PDE4D: variants seen among roughly 807,000 people sequenced by gnomAD.
PDE4D encodes 3',5'-cyclic-AMP phosphodiesterase 4D.
A neutral mutation model predicts 87.4 loss-of-function variants in PDE4D; 24 were observed. The ratio of observed to expected loss-of-function variants is 0.27; its 90% CI spans 0.20 to 0.39. The LOEUF (loss-of-function observed/expected upper bound fraction) is 0.39, where lower values mean the gene tolerates loss of function less well. Ranked by LOEUF, PDE4D falls within the 10% of genes least tolerant of loss-of-function variation. The probability of loss-of-function intolerance (pLI) is 1.00; values close to 1 mark genes in which losing one functional copy is unlikely to be tolerated. For missense variants in PDE4D, 714 were observed against 1,041.0 expected, an observed-to-expected ratio of 0.69 and a Z score of 4.32; for synonymous variants, 384 against 383.2, an observed-to-expected ratio of 1.00 and a Z score of -0.02.
chr5:59,890,309 G>A (rs1172674675), intron 1 of PDE4D, among the ~76,000 whole-genome samples: 1 of 149,874 alleles, frequency 6.7e-6, no homozygotes, highest in African/African-American at 2.5e-5. Context: ...TTTCTTGTTT[G>A]CTTTTAGAAA....
At position 60,418,071 on chromosome 5, in the gene PDE4D, CTG is replaced by C. The variant is rs369748026; in HGVS notation, c.-90+69869_-90+69870del. ...AGTGGAGAAGATTCCATCAGAGTCA[CTG>C]TTTCCACAGGAAAACATTGATTCGG... On this transcript the variant is annotated intron_variant, in intron 1 of 16. Coordinates refer to the PDE4D transcript ENST00000502484. Among the ~76,000 whole-genome samples the C allele has an allele frequency of 7.6e-4, 115 of 152,254 alleles. 2 individuals are homozygous for C. In the East Asian group the frequency reaches 0.019, roughly 25 times the overall value.
At position 59,997,098 on chromosome 5, in the gene PDE4D, C is replaced by T. The variant is rs1342468060; in HGVS notation, c.43-8381G>A. On this transcript the variant is annotated intron_variant, in intron 2 of 16. Coordinates refer to the PDE4D transcript ENST00000502484. ...ATCTGCAACTCTAGGATTCAATTAA[C>T]CTTTTGTAAATAGCATTGTACATTT... Among the ~76,000 whole-genome samples the T allele has an allele frequency of 3.9e-5, 6 of 152,056 alleles. No individual in the cohort carries two copies. The East Asian group carries it at 1.2e-3, about 29-fold the overall frequency.
At chr5:59,846,061 G>A (rs1449090272) in intron 1 of PDE4D, among the ~76,000 whole-genome samples, 3 of 152,056 alleles carry the variant, frequency 2.0e-5, no homozygotes, top group African/African-American at 7.2e-5. Context: ...TAAAGATAGG[G>A]GTTAAAATAA....
chr5:59,035,794 C>T (rs1218513141), intron 6 of PDE4D, among the ~76,000 whole-genome samples: 1 of 152,166 alleles, frequency 6.6e-6, no homozygotes, highest in Non-Finnish European at 1.5e-5. Context: ...TAAAATTACC[C>T]TCAATTGTAG....
intron 13 of PDE4D, among the ~76,000 whole-genome samples, chr5:58,976,143 T>A (rs1743711350): frequency 6.6e-6 from 1 of 152,320 alleles, no homozygotes; most frequent in South Asian, 2.1e-4. Flanking sequence ...TTAGTTTTTT[T>A]AATTAATGTA....
intron 1 of PDE4D, among the ~76,000 whole-genome samples, chr5:60,469,769 G>A (rs879563268): frequency 4.6e-5 from 7 of 152,100 alleles, no homozygotes; most frequent in South Asian, 2.1e-4. Flanking sequence ...ATAGGACGGC[G>A]AACTTAATCA....
intron 2 of PDE4D, among the ~76,000 whole-genome samples, chr5:60,114,173 C>T (rs1374729481): frequency 6.6e-6 from 1 of 152,084 alleles, no homozygotes; most frequent in Admixed American, 6.6e-5. Context: ...AGACTCAGTA[C>T]ACAATGGATG....
chr5:59,173,458 A>C (rs1004416587), intron 5 of PDE4D, among the ~76,000 whole-genome samples: 1 of 152,236 alleles, frequency 6.6e-6, no homozygotes, highest in Non-Finnish European at 1.5e-5. Context: ...ATTTATGCAA[A>C]TCTTTCAGTT....
intron 1 of PDE4D, among the ~76,000 whole-genome samples, chr5:59,511,209 TGAGAA>T (rs531830160): frequency 1.7e-3 from 254 of 151,812 alleles, no homozygotes; most frequent in African/African-American, 5.5e-3. Flanking sequence ...TAGTAACAAA[TGAGAA>T]AAGAAGCTTG....
chr5:60,519,593 C>T (rs951212987), intron 1 of PDE4D, among the ~76,000 whole-genome samples: 1 of 150,726 alleles, frequency 6.6e-6, no homozygotes, highest in Non-Finnish European at 1.5e-5. Context: ...GATCTCACAG[C>T]GTCCTGTTTG....
At chr5:60,383,798 C>T (rs1321239731) in intron 1 of PDE4D, among the ~76,000 whole-genome samples, 1 of 152,142 alleles carries the variant, frequency 6.6e-6, no homozygotes, top group Non-Finnish European at 1.5e-5. Context: ...TACTCTGTGC[C>T]ATTTAAAATG....
intron 1 of PDE4D, among the ~76,000 whole-genome samples, chr5:59,485,893 C>T (rs1225190559): frequency 1.3e-5 from 2 of 151,922 alleles, no homozygotes; most frequent in East Asian, 1.9e-4. Flanking sequence ...TTGATTTTTC[C>T]GTTTTGTGAA....
intron 1 of PDE4D, among the ~76,000 whole-genome samples, chr5:59,889,409 T>C (rs1418007083): frequency 1.3e-5 from 2 of 151,064 alleles, no homozygotes; most frequent in Admixed American, 1.3e-4. Flanking sequence ...TGAGCACATG[T>C]GTTCAAGGCT....
intron 2 of PDE4D, among the ~76,000 whole-genome samples, chr5:60,177,262 G>A (rs1426147046): frequency 6.6e-6 from 1 of 152,064 alleles, no homozygotes; most frequent in Non-Finnish European, 1.5e-5. Flanking sequence ...AAATGCAGGG[G>A]TCAAAATGGT....
chr5:59,227,852 A>G (rs545924634), intron 1 of PDE4D, among the ~76,000 whole-genome samples: 1 of 152,334 alleles, frequency 6.6e-6, no homozygotes, highest in South Asian at 2.1e-4. Context: ...GTGATTCCTG[A>G]AAGAACTAAA....
At chr5:59,455,710 A>G (rs1172916867) in intron 1 of PDE4D, among the ~76,000 whole-genome samples, 1 of 152,210 alleles carries the variant, frequency 6.6e-6, no homozygotes, top group East Asian at 1.9e-4. Flanking sequence ...GCAGACACTC[A>G]ACACCAGCCT....
intron 1 of PDE4D, among the ~76,000 whole-genome samples, chr5:59,327,070 T>A (rs754984117): frequency 6.6e-6 from 1 of 151,758 alleles, no homozygotes; most frequent in Middle Eastern, 3.4e-3. Flanking sequence ...TTGAGAAATA[T>A]CTATGGAATG....
intron 2 of PDE4D, among the ~76,000 whole-genome samples, chr5:60,001,588 T>C (rs1046748188): frequency 6.6e-6 from 1 of 152,166 alleles, no homozygotes; most frequent in Non-Finnish European, 1.5e-5. Flanking sequence ...AAATACATAA[T>C]TAAATTCTGT....
chr5:59,193,093 C>A, intron 3 of PDE4D, among the ~76,000 whole-genome samples: 1 of 152,128 alleles, frequency 6.6e-6, no homozygotes, highest in East Asian at 1.9e-4. Context: ...TAAATCTCTG[C>A]ACAAATGGCA....
Sources: allele counts gnomAD v4.1 joint callset (sites outside exome capture counted in the v4.1 genomes callset), GRCh38; gene constraint gnomAD v4.1.1; transcripts MANE v1.5; gene names NCBI Gene and HGNC (gene_info 2026-07-23, HGNC 2026-07-21).